ABTB2: variants seen among roughly 807,000 people sequenced by gnomAD.
ABTB2 encodes ankyrin repeat and BTB domain containing 2, also known as ankyrin repeat and BTB/POZ domain-containing protein 2.
A neutral mutation model predicts 104.1 loss-of-function variants in ABTB2; 56 were observed. The observed-to-expected ratio is 0.54, with a 90% CI of 0.43 to 0.67. The LOEUF (loss-of-function observed/expected upper bound fraction) is 0.67. ABTB2 is among the 30% of genes least tolerant of loss of function. The pLI, the probability that ABTB2 is intolerant of heterozygous loss-of-function variation, is 0.00. For synonymous variants in ABTB2, 606 were observed against 608.2 expected (o/e 1.00, Z 0.05); for missense variants, 1,279 against 1,407.7 (o/e 0.91, Z 1.46).
intron 3 of ABTB2, among the ~76,000 whole-genome samples, 194 bp downstream of exon 3, chr11:34,197,130 GA>G (rs11437700): frequency 1.4e-4 from 21 of 151,530 alleles, no homozygotes; most frequent in East Asian, 3.9e-4. Context: ...CAGCTCAGAG[GA>G]AAAAAAAATC....
chr11:34,178,780 T>TAC (rs1481357376), intron 3 of ABTB2, among the ~76,000 whole-genome samples: 1 of 152,080 alleles, frequency 6.6e-6, no homozygotes, highest in East Asian at 1.9e-4. Flanking sequence ...ACTCTATATA[T>TAC]ACTCTTAAAA....
intron 1 of ABTB2, among the ~76,000 whole-genome samples, chr11:34,353,762 A>G (rs986438700): frequency 2.0e-5 from 3 of 152,246 alleles, no homozygotes; most frequent in African/African-American, 7.2e-5. Context: ...AGTCAAATGC[A>G]TGTGCCCATG....
intron 1 of ABTB2, among the ~76,000 whole-genome samples, chr11:34,248,117 A>G (rs868583962): frequency 0.29 from 38,542 of 132,772 alleles, 7,525 homozygotes; most frequent in African/African-American, 0.48. Flanking sequence ...AAAAAAAAAA[A>G]AAAAACAGGG....
intron 14 of ABTB2, among the ~76,000 whole-genome samples, chr11:34,155,830 A>C (rs894087248): frequency 4.6e-5 from 7 of 152,228 alleles, no homozygotes; most frequent in African/African-American, 1.7e-4. Context: ...TGGTGAGCTC[A>C]TGATTGCACA....
intron 1 of ABTB2, among the ~76,000 whole-genome samples, chr11:34,225,680 GGGAGGCAGAGGTTGCGGTGAACCGA>G (rs1853676764): frequency 6.6e-6 from 1 of 152,090 alleles, no homozygotes; most frequent in Non-Finnish European, 1.5e-5. Flanking sequence ...GCTTGAACCA[GGGAGGCAGAGGTTGCGGTGAACCGA>G]GATCGCGCCA....
At chr11:34,292,859 A>G (rs79808974) in intron 1 of ABTB2, among the ~76,000 whole-genome samples, 2,154 of 152,288 alleles carry the variant, frequency 0.014, 46 homozygotes, top group African/African-American at 0.048. Flanking sequence ...GAGGGTGGTA[A>G]TAAAGGAGTC....
intron 1 of ABTB2, among the ~76,000 whole-genome samples, chr11:34,300,319 T>G (rs1217841918): frequency 2.0e-5 from 3 of 152,212 alleles, no homozygotes; most frequent in African/African-American, 7.2e-5. Flanking sequence ...GAAATGTTCT[T>G]GCATCAGGCG....
At chr11:34,161,243 CCT>C (rs1780310217) in intron 10 of ABTB2, among the ~76,000 whole-genome samples, 162 bp from the exon 11 acceptor site, 1 of 152,056 alleles carries the variant, frequency 6.6e-6, no homozygotes, top group African/African-American at 2.4e-5. Context: ...ATGGAGTGGC[CCT>C]CTCAGGATGG....
rs112634069 is a variant in ABTB2 at position 34,295,759 on chromosome 11, C to T, written c.883+60942G>A. On this transcript the variant is annotated intron_variant, in intron 1 of 16. Coordinates refer to ENST00000435224, the MANE Select transcript of ABTB2 (RefSeq NM_145804.3). ...CAGCATGGCTGGGTTCTGGTGAGGG[C>T]CCTCTTCTGGGTTGCAGACTGCCAA... is the stretch of plus-strand genomic sequence containing the variant. 6.8e-3 allele frequency among the ~76,000 whole-genome samples: 1,033 copies of T among 152,234 alleles called. 12 individuals are homozygous for T. Among genetic ancestry groups the T allele is most frequent in the African/African-American group, 0.024 (999 of 41,536 alleles).
intron 1 of ABTB2, among the ~76,000 whole-genome samples, chr11:34,328,799 G>A (rs1216210074): frequency 1.3e-5 from 2 of 152,178 alleles, no homozygotes; most frequent in East Asian, 3.9e-4. Context: ...AAAGCAAATT[G>A]GCCACTTAGC....
intron 1 of ABTB2, among the ~76,000 whole-genome samples, chr11:34,341,784 C>T (rs946152770): frequency 6.6e-6 from 1 of 151,990 alleles, no homozygotes; most frequent in Non-Finnish European, 1.5e-5. Context: ...TCAGTGTGAA[C>T]GGAAAAATAA....
At chr11:34,160,697 G>GC (rs1447977413) in intron 11 of ABTB2, among the ~76,000 whole-genome samples, 1 of 84,260 alleles carries the variant, frequency 1.2e-5, no homozygotes, top group African/African-American at 5.6e-5. Context: ...GTGTTGAGTG[G>GC]GGGGGGGGGC....
At chr11:34,183,389 C>T (rs536783261) in intron 3 of ABTB2, among the ~76,000 whole-genome samples, 17 of 152,318 alleles carry the variant, frequency 1.1e-4, no homozygotes, top group South Asian at 4.1e-4. Flanking sequence ...CGTGAGCCAC[C>T]GTGCCCAGCT....
intron 1 of ABTB2, among the ~76,000 whole-genome samples, chr11:34,213,971 C>A (rs139178758): frequency 3.3e-5 from 5 of 152,160 alleles, no homozygotes; most frequent in African/African-American, 1.2e-4. Flanking sequence ...AACTTAGTGA[C>A]CCAGGGAGCA....
chr11:34,167,108 T>C, intron 7 of ABTB2, 151 bp downstream of exon 7: 1 of 677,854 alleles, frequency 1.5e-6, no homozygotes, highest in Non-Finnish European at 2.4e-6. Flanking sequence ...GGTGGGCTGC[T>C]GCTCTATCGA....
At chr11:34,307,538 A>G (rs1193839540) in intron 1 of ABTB2, among the ~76,000 whole-genome samples, 1 of 152,196 alleles carries the variant, frequency 6.6e-6, no homozygotes, top group African/African-American at 2.4e-5. Context: ...GTCAACAGAA[A>G]CGCCATAGAC....
intron 1 of ABTB2, among the ~76,000 whole-genome samples, chr11:34,260,891 T>C (rs544691131): frequency 2.6e-5 from 4 of 152,268 alleles, no homozygotes. Context: ...TAAATGACAC[T>C]TTCTAAGGCT....
Position 34,159,910 on chromosome 11 carries a change from T to C in ABTB2, c.2602A>G (p.Asn868Asp). ...TTGTTATCTGAGGCTGCCTACCTGT[T>C]AGAAGCTGTCACCAGCAGGACTTTA... ...AHKVLLVTAS[N>D]RFKTLMTNKS... Residue 868 changes from asparagine (N) to aspartate (D), a missense_variant, in exon 13 of 17, where the codon AAC (asparagine) becomes GAC (aspartate). Coordinates refer to ENST00000435224, the MANE Select transcript of ABTB2 (RefSeq NM_145804.3). The C allele has an allele frequency of 3.7e-6, 6 of 1,612,834 alleles. No individual in the cohort carries two copies. Among genetic ancestry groups the C allele is most frequent in the Non-Finnish European group, 5.1e-6 (6 of 1,178,902 alleles).
chr11:34,183,509 G>C (rs927852703), intron 3 of ABTB2, among the ~76,000 whole-genome samples: 3 of 152,208 alleles, frequency 2.0e-5, no homozygotes, highest in Admixed American at 2.0e-4. Context: ...TACTGCCCTC[G>C]GCTAGAGAGA....
Sources: gnomAD v4.1 joint callset for allele counts (sites outside exome capture counted in the v4.1 genomes callset) on GRCh38, gnomAD v4.1.1 for gene constraint, MANE v1.5 for transcripts, NCBI Gene and HGNC (gene_info 2026-07-23, HGNC 2026-07-21) for gene names.